TSEN15: variants seen among roughly 807,000 people sequenced by gnomAD.
The protein encoded by TSEN15 is tRNA splicing endonuclease subunit 15.
TSEN15 carries 10 observed loss-of-function variants against 20.5 expected under a neutral mutation model. The ratio of observed to expected loss-of-function variants is 0.49; its 90% CI spans 0.30 to 0.83. TSEN15 has a LOEUF of 0.83. Among genes scored for constraint, TSEN15 ranks in the 40% least tolerant of loss-of-function variants. TSEN15 has a pLI of 0.06. For synonymous variants in TSEN15, 72 were observed against 80.1 expected (o/e 0.90, Z 0.54); for missense variants, 180 against 218.6 (o/e 0.82, Z 1.11).
chr1:184,076,987 A>G (rs1211864236), downstream of TSEN15, among the ~76,000 whole-genome samples: 2 of 152,202 alleles, frequency 1.3e-5, no homozygotes, highest in Non-Finnish European at 2.9e-5. Flanking sequence ...TAGAAGCTGC[A>G]GTAAATTATC....
chr1:184,059,059 G>C (rs1462136425), intron 3 of TSEN15, among the ~76,000 whole-genome samples: 1 of 145,356 alleles, frequency 6.9e-6, no homozygotes, highest in South Asian at 2.2e-4. Context: ...GGTAATTGTT[G>C]GATGGAATTT....
exon 4 of TSEN15, chr1:184,097,364 G>A (rs941097328): frequency 6.6e-6 from 1 of 152,208 alleles, no homozygotes; most frequent in Non-Finnish European, 1.5e-5. Context: ...GTTGAAATCT[G>A]TATTGTCCCT....
chr1:184,091,541 A>G (rs115365666), intron 3 of TSEN15, among the ~76,000 whole-genome samples: 11,707 of 152,196 alleles, frequency 0.077, 609 homozygotes, highest in Non-Finnish European at 0.12. Flanking sequence ...GTAGTGGCAG[A>G]GACAGCCCCT....
intron 3 of TSEN15, among the ~76,000 whole-genome samples, chr1:184,064,410 T>C (rs1010429724): frequency 2.0e-5 from 3 of 152,078 alleles, no homozygotes; most frequent in African/African-American, 4.8e-5. Flanking sequence ...AGAGAGTACC[T>C]GCCTGCAGTT....
chr1:184,080,518 G>C (rs1279864614), intron 3 of TSEN15, among the ~76,000 whole-genome samples: 1 of 152,146 alleles, frequency 6.6e-6, no homozygotes, highest in Non-Finnish European at 1.5e-5. Context: ...GTCCTGGAGG[G>C]AGTTAGGAAG....
intron 3 of TSEN15, among the ~76,000 whole-genome samples, chr1:184,059,240 A>G (rs1334146137): frequency 6.6e-6 from 1 of 152,142 alleles, no homozygotes; most frequent in Non-Finnish European, 1.5e-5. Context: ...AGGACAGGAA[A>G]AGTCTCTTTA....
At position 184,072,951 on chromosome 1, in the gene TSEN15, A is replaced by T; in HGVS notation, c.*104A>T. 2 of 1,116,458 alleles carry T rather than the reference A, an allele frequency of 1.8e-6. No individual in the cohort carries two copies. Among genetic ancestry groups the T allele is most frequent in the Non-Finnish European group, 2.6e-6 (2 of 770,658 alleles). 69.2% of individuals were successfully genotyped at this position (1,116,458 alleles called of 1,614,324 possible). ...AGAAATAGGGTTGACGTACATAGTG[A>T]GGGTTGACTTCCCCATTCCATAAGG... On this transcript the variant is annotated 3_prime_UTR_variant, in exon 5 of 5. Transcript: ENST00000645668.
chr1:184,093,378 C>T (rs2102905976), intron 3 of TSEN15, among the ~76,000 whole-genome samples: 1 of 152,224 alleles, frequency 6.6e-6, no homozygotes, highest in Non-Finnish European at 1.5e-5. Context: ...TTTGACAGAA[C>T]CCAATTGGAT....
intron 3 of TSEN15, among the ~76,000 whole-genome samples, chr1:184,085,720 T>G (rs147274105): frequency 6.6e-6 from 1 of 152,272 alleles, no homozygotes; most frequent in East Asian, 1.9e-4. Context: ...GATCTGAAAT[T>G]TTGCATTTCT....
At chr1:184,085,995 A>T (rs1651255320) in intron 3 of TSEN15, among the ~76,000 whole-genome samples, 1 of 152,214 alleles carries the variant, frequency 6.6e-6, no homozygotes, top group Non-Finnish European at 1.5e-5. Flanking sequence ...ATTCTTATCT[A>T]TACAAAATGT....
intron 3 of TSEN15, among the ~76,000 whole-genome samples, chr1:184,086,107 G>T (rs1651256793): frequency 6.6e-6 from 1 of 152,162 alleles, no homozygotes; most frequent in South Asian, 2.1e-4. Flanking sequence ...CAAAGCTTCT[G>T]CCATGTGTAT....
intron 3 of TSEN15, among the ~76,000 whole-genome samples, chr1:184,056,087 A>T (rs1366890161): frequency 2.6e-5 from 4 of 152,080 alleles, no homozygotes. Flanking sequence ...CCATTGTGTG[A>T]TTATACCACC....
In TSEN15 at chr1:184,072,926, A is replaced by C; in HGVS notation, c.*79A>C. ...ATCAGACTGCTTCATCTTTTATCTC[A>C]GAAATAGGGTTGACGTACATAGTGA... On this transcript the variant is annotated 3_prime_UTR_variant, in exon 5 of 5. Coordinates refer to ENST00000645668, the MANE Select transcript of TSEN15 (RefSeq NM_052965.4). 1.4e-5 allele frequency: 19 copies of C among 1,405,288 alleles called. No individual in the cohort carries two copies. The highest frequency in any genetic ancestry group is 1.8e-5 in the Non-Finnish European group (18 of 1,015,206). 87.1% of individuals were successfully genotyped at this position (1,405,288 alleles called of 1,614,324 possible).
intron 3 of TSEN15, among the ~76,000 whole-genome samples, chr1:184,067,670 C>A (rs962608517): frequency 2.0e-5 from 3 of 152,004 alleles, no homozygotes; most frequent in Admixed American, 1.3e-4. Context: ...GTAATCCCAG[C>A]ACTTTGGGAG....
At chr1:184,058,147 C>A (rs1296869760) in intron 3 of TSEN15, 2 of 426,448 alleles carry the variant, frequency 4.7e-6, no homozygotes, top group Non-Finnish European at 9.4e-6. Flanking sequence ...TTGTTAATTT[C>A]TAGTATTTTC....
intron 3 of TSEN15, among the ~76,000 whole-genome samples, chr1:184,062,752 G>GT (rs374389185): frequency 2.5e-4 from 38 of 149,826 alleles, no homozygotes; most frequent in East Asian, 1.2e-3. Context: ...TTTTTTGTTT[G>GT]TTTTTTTTTC....
chr1:184,075,910 A>ATATTTTTTT (rs760409158), downstream of TSEN15, among the ~76,000 whole-genome samples: 3 of 123,738 alleles, frequency 2.4e-5, no homozygotes, highest in African/African-American at 8.5e-5. Context: ...ATATATATAT[A>ATATTTTTTT]TTTTTTTTTT....
At chr1:184,079,392 C>G (rs918891385) in intron 3 of TSEN15, among the ~76,000 whole-genome samples, 1 of 152,116 alleles carries the variant, frequency 6.6e-6, no homozygotes, top group Admixed American at 6.6e-5. Flanking sequence ...TTACAAAATA[C>G]CACAGCCTGG....
At chr1:184,065,401 G>A (rs1650616997) in intron 3 of TSEN15, among the ~76,000 whole-genome samples, 1 of 151,986 alleles carries the variant, frequency 6.6e-6, no homozygotes, top group Non-Finnish European at 1.5e-5. Flanking sequence ...TTACACTAGG[G>A]TTTATTCTTT....
Sources: allele counts gnomAD v4.1 joint callset (sites outside exome capture counted in the v4.1 genomes callset), GRCh38; gene constraint gnomAD v4.1.1; transcripts MANE v1.5; gene names NCBI Gene and HGNC (gene_info 2026-07-23, HGNC 2026-07-21).